Variants in KRIT1 observed in about 807,000 individuals in gnomAD.
KRIT1 encodes krev interaction trapped protein 1.
In KRIT1, 45 loss-of-function variants were observed where a neutral mutation model predicts 95.8. That is an observed-to-expected ratio of 0.47 (90% CI 0.37 to 0.60). The LOEUF (loss-of-function observed/expected upper bound fraction) is 0.60, where lower values mean the gene tolerates loss of function less well. Ranked by LOEUF, KRIT1 falls within the 20% of genes least tolerant of loss-of-function variation. KRIT1 has a pLI of 0.00. For synonymous variants in KRIT1, 282 were observed against 278.8 expected (o/e 1.01, Z -0.11); for missense variants, 788 against 877.5 (o/e 0.90, Z 1.29).
chr7:92,221,939 C>T lies in KRIT1; in HGVS notation c.1526G>A (p.Arg509Lys). The T allele has an allele frequency of 6.2e-7, 1 of 1,613,940 alleles. No individual in the cohort carries two copies. Among genetic ancestry groups the T allele is most frequent in the Non-Finnish European group, 8.5e-7 (1 of 1,179,906 alleles). Residue 509 changes from arginine to lysine, a missense_variant, in exon 14 of 19, where the codon AGA (arginine) becomes AAA (lysine). This residue lies in a region of KRIT1 where 493 missense variants were observed against 582.3 expected (regional missense o/e 0.85). Coordinates refer to ENST00000394505, the MANE Select transcript of KRIT1 (RefSeq NM_194454.3). ...PQRETPQLFL[R>K]RDVRLPLEVE... ...TTCCAAGGGAAGTCTCACATCTCTT[C>T]TTAGAAAAAGCTGAGGTGTTTCCCT... is the stretch of plus-strand genomic sequence containing the variant.
intron 10 of KRIT1, among the ~76,000 whole-genome samples, chr7:92,229,575 AT>A (rs1796871903): frequency 1.3e-5 from 2 of 152,230 alleles, no homozygotes; most frequent in Admixed American, 1.3e-4. Flanking sequence ...AGAAATGCAA[AT>A]CAAAGCCACA....
intron 17 of KRIT1, among the ~76,000 whole-genome samples, chr7:92,208,685 TAA>T (rs1792104023): frequency 6.6e-6 from 1 of 152,058 alleles, no homozygotes; most frequent in Non-Finnish European, 1.5e-5. Context: ...CCTCAACAGA[TAA>T]ATTCTCGGTA....
chr7:92,213,540 G>A, intron 16 of KRIT1, 139 bp from the exon 17 acceptor site: 1 of 639,726 alleles, frequency 1.6e-6, no homozygotes, highest in Non-Finnish European at 2.7e-6. Flanking sequence ...ATTGTATCAG[G>A]AGTACTTTTT....
intron 18 of KRIT1, 96 bp downstream of exon 18, chr7:92,201,211 G>T (rs1251583256): frequency 1.7e-5 from 13 of 746,248 alleles, no homozygotes; most frequent in Non-Finnish European, 3.1e-5. Context: ...AAATATTACA[G>T]GTTTTCCTTG....
intron 17 of KRIT1, among the ~76,000 whole-genome samples, chr7:92,202,582 C>A (rs1371664785): frequency 6.6e-6 from 1 of 151,886 alleles, no homozygotes; most frequent in Admixed American, 6.6e-5. Flanking sequence ...TAATATTGAC[C>A]ACAAATACTA....
At position 92,213,911 on chromosome 7, in the gene KRIT1, C is replaced by T. The variant is rs760011561; in HGVS notation, c.1799G>A (p.Arg600His). 1.2e-6 allele frequency: 2 copies of T among 1,601,260 alleles called. No individual in the cohort carries two copies. Among genetic ancestry groups the T allele is most frequent in the East Asian group, 2.2e-5 (1 of 44,674 alleles). The stretch of plus-strand genomic sequence containing the variant: ...GCTTACCTTGTATTCATGAAGTATG[C>T]GATTTGTCCAGTGAGGTGCCTTACT... ...LKSKAPHWTN[R>H]ILHEYKNLST... Residue 600 changes from arginine to histidine, a missense_variant, in exon 16 of 19, where the codon CGC becomes CAC. Physicochemically the swap from Arg to His is conservative, Grantham distance 29. Coordinates refer to ENST00000394505, the MANE Select transcript of KRIT1 (RefSeq NM_194454.3).
chr7:92,227,261 C>G (rs1796383397), intron 10 of KRIT1, among the ~76,000 whole-genome samples: 1 of 152,042 alleles, frequency 6.6e-6, no homozygotes, highest in South Asian at 2.1e-4. Flanking sequence ...TAATGTTTGT[C>G]CATGCTTTAA....
chr7:92,226,635 C>T lies in KRIT1; in HGVS notation c.1037G>A (p.Cys346Tyr). The T allele has an allele frequency of 1.2e-6, 2 of 1,613,248 alleles. No individual in the cohort carries two copies. The highest frequency in any genetic ancestry group is 1.7e-6 in the Non-Finnish European group (2 of 1,179,404). The change falls in exon 11 of 19, where the codon TGC becomes TAC. Residue 346 changes from cysteine to tyrosine, a missense_variant. By Grantham distance (194) the Cys-to-Tyr change is radical. Around this residue, in one of 3 missense-constraint regions of KRIT1, gnomAD observed 493 missense variants for 582.3 expected, o/e 0.85. Coordinates refer to ENST00000394505, the MANE Select transcript of KRIT1 (RefSeq NM_194454.3). ...TTGTCCATTTAAAAGGTTTGGATTG[C>T]ACTTTCCTTTCTCTAACAATATGCG... ...ATRILLEKGK[C>Y]NPNLLNGQLS... is the part of the protein sequence containing the mutation.
At chr7:92,204,514 A>T (rs1332597171) in intron 17 of KRIT1, among the ~76,000 whole-genome samples, 1 of 151,792 alleles carries the variant, frequency 6.6e-6, no homozygotes, top group Non-Finnish European at 1.5e-5. Context: ...CACAATGTAA[A>T]ATCACTGGGA....
At chr7:92,242,195 G>T in intron 3 of KRIT1, 58 bp from the exon 4 acceptor site, 2 of 975,436 alleles carry the variant, frequency 2.1e-6, no homozygotes, top group Non-Finnish European at 3.3e-6. Flanking sequence ...TTGATGGCAA[G>T]ATAAAAAAAA....
intron 15 of KRIT1, 86 bp from the exon 16 acceptor site, chr7:92,214,065 G>A: frequency 1.2e-6 from 1 of 836,960 alleles, no homozygotes; most frequent in Non-Finnish European, 2.1e-6. Flanking sequence ...ATGGCTTTCA[G>A]TAACGTAATT....
chr7:92,245,977 T>G (rs1176105331), upstream of KRIT1: 2 of 233,422 alleles, frequency 8.6e-6, no homozygotes, highest in Non-Finnish European at 8.4e-6. Context: ...AGCTTCCGGG[T>G]CGGCGGCCGG....
At chr7:92,206,459 A>C (rs574845266) in intron 17 of KRIT1, 1 of 152,302 alleles carries the variant, frequency 6.6e-6, no homozygotes, top group South Asian at 2.1e-4. Flanking sequence ...AGGGACTCTC[A>C]GACACCGCTA....
At chr7:92,207,003 G>A (rs1791670114) in intron 17 of KRIT1, 1 of 150,998 alleles carries the variant, frequency 6.6e-6, no homozygotes, top group Non-Finnish European at 1.5e-5. Flanking sequence ...AATGTGACAT[G>A]TGGGGACACC....
chr7:92,233,832 ACTACT>A (rs999836716), intron 10 of KRIT1, among the ~76,000 whole-genome samples: 1 of 152,224 alleles, frequency 6.6e-6, no homozygotes, highest in African/African-American at 2.4e-5. Context: ...ACAGTTAACT[ACTACT>A]CTAAACACTA....
At chr7:92,242,916 C>A (rs1266686685) in intron 3 of KRIT1, among the ~76,000 whole-genome samples, 4 of 152,140 alleles carry the variant, frequency 2.6e-5, no homozygotes, top group African/African-American at 4.8e-5. Context: ...CGGGTTCAGG[C>A]GATTCTCCCT....
At chr7:92,202,299 CAA>C (rs973232472) in intron 17 of KRIT1, 44 of 152,020 alleles carry the variant, frequency 2.9e-4, no homozygotes, top group African/African-American at 9.9e-4. Context: ...TGATTGTGAT[CAA>C]AGAGTTGTAA....
intron 12 of KRIT1, 134 bp from the exon 13 acceptor site, chr7:92,223,112 G>T: frequency 1.4e-6 from 1 of 690,296 alleles, no homozygotes; most frequent in Non-Finnish European, 2.5e-6. Flanking sequence ...TGTTTTAAGT[G>T]AGAATCTGTT....
chr7:92,200,858 G>C, intron 18 of KRIT1, 54 bp from the exon 19 acceptor site: 1 of 1,247,948 alleles, frequency 8.0e-7, no homozygotes, highest in South Asian at 1.2e-5. Context: ...AATCTTTAAA[G>C]GACATTCATG....
Sources: gnomAD v4.1 joint callset for allele counts (sites outside exome capture counted in the v4.1 genomes callset) on GRCh38, gnomAD v4.1.1 for gene constraint, gnomAD v4.1.1 regional missense constraint, MANE v1.5 for transcripts, NCBI Gene and HGNC (gene_info 2026-07-23, HGNC 2026-07-21) for gene names.